Variants in CAPZB observed in about 807,000 individuals in gnomAD.
CAPZB encodes the protein F-actin-capping protein subunit beta.
In CAPZB, 2 loss-of-function variants were observed where a neutral mutation model predicts 38.1. That is an observed-to-expected ratio of 0.05 (90% CI 0.02 to 0.17). The LOEUF is 0.17. CAPZB is among the 10% of genes least tolerant of loss of function. CAPZB has a pLI of 1.00. For synonymous variants in CAPZB, 107 were observed against 127.4 expected (o/e 0.84, Z 1.08); for missense variants, 161 against 334.2 (o/e 0.48, Z 4.04).
At chr1:19,471,671 T>C (rs1050105760) in intron 1 of CAPZB, among the ~76,000 whole-genome samples, 6 of 152,088 alleles carry the variant, frequency 3.9e-5, no homozygotes, top group South Asian at 4.1e-4. Context: ...AAGACCATCC[T>C]GGCTAACACG....
intron 1 of CAPZB, among the ~76,000 whole-genome samples, chr1:19,469,456 C>G (rs537220947): frequency 9.7e-4 from 147 of 152,196 alleles, no homozygotes; most frequent in African/African-American, 3.3e-3. Flanking sequence ...GAGATTAATA[C>G]AGCAAAAACC....
rs1558182492 is a variant in CAPZB at position 19,357,628 on chromosome 1, G to T, written c.330-65C>A. Reference sequence around the variant, plus strand: ...GACAGATCATCAGCCTGGGTCCCAGGCTGCTGCTCAGCAAAGATTCTGGGA... The same window carrying T: ...GACAGATCATCAGCCTGGGTCCCAGTCTGCTGCTCAGCAAAGATTCTGGGA... On this transcript the variant is annotated intron_variant, in intron 4 of 8. Transcript: ENST00000264202. The surrounding 1 kb of genome is among the most constrained non-coding windows in gnomAD (Gnocchi z 4.3). The T allele has an allele frequency of 6.5e-7, 1 of 1,549,800 alleles. No homozygotes were observed. Among genetic ancestry groups the T allele is most frequent in the Non-Finnish European group, 8.9e-7 (1 of 1,128,620 alleles).
At chr1:19,384,637 G>C (rs989054498) in intron 3 of CAPZB, among the ~76,000 whole-genome samples, 3 of 152,174 alleles carry the variant, frequency 2.0e-5, no homozygotes, top group Non-Finnish European at 2.9e-5. Context: ...CATCTCCAAA[G>C]AGAGCATCAG....
chr1:19,391,463 C>T (rs1329073408), intron 2 of CAPZB, among the ~76,000 whole-genome samples: 5 of 145,010 alleles, frequency 3.4e-5, no homozygotes, highest in African/African-American at 1.2e-4. Context: ...TACTTGGGTG[C>T]ACTCAGAGGA....
At chr1:19,452,793 CTTT>C (rs34430556) in intron 1 of CAPZB, among the ~76,000 whole-genome samples, 10 of 118,414 alleles carry the variant, frequency 8.4e-5, no homozygotes, top group Admixed American at 1.9e-4. Flanking sequence ...TAATTTCTTT[CTTT>C]TTTTTTTTTT....
rs58005363 is a variant in CAPZB, at chr1:19,363,085, C to A, written c.330-5522G>T. ...AGACTTTCCTAACACAGATTAACAT[C>A]TTGTTTTGTTTTTTGAGACAGGGTC... On this transcript the variant is annotated intron_variant, in intron 4 of 8. Coordinates refer to ENST00000264202, the MANE Select transcript of CAPZB (RefSeq NM_004930.5). Among the ~76,000 whole-genome samples the A allele has an allele frequency of 1.2e-3, 182 of 151,686 alleles. 1 individual carries two copies. The highest frequency in any genetic ancestry group is 4.2e-3 in the African/African-American group (174 of 41,456).
At chr1:19,453,605 G>A (rs1021228291) in intron 1 of CAPZB, among the ~76,000 whole-genome samples, 4 of 152,072 alleles carry the variant, frequency 2.6e-5, no homozygotes, top group Non-Finnish European at 2.9e-5. Context: ...CCTTGTACCC[G>A]TGGCCCCTTC....
intron 1 of CAPZB, chr1:19,484,483 G>A (rs1327573080): frequency 1.4e-6 from 2 of 1,424,676 alleles, no homozygotes; most frequent in African/African-American, 2.9e-5. Flanking sequence ...CTCGAGAAGG[G>A]CCCGCAGAGC....
intron 1 of CAPZB, among the ~76,000 whole-genome samples, chr1:19,464,677 G>A (rs189078603): frequency 4.6e-5 from 7 of 152,226 alleles, no homozygotes; most frequent in African/African-American, 2.4e-5. Flanking sequence ...TGAATGGTAC[G>A]TCCATACCAT....
chr1:19,421,281 G>A (rs2094400090), intron 1 of CAPZB, among the ~76,000 whole-genome samples: 1 of 152,170 alleles, frequency 6.6e-6, no homozygotes, highest in African/African-American at 2.4e-5. Context: ...AGGCCGTGGG[G>A]CAAGGACCCA....
chr1:19,435,044 G>A (rs1408830931), intron 1 of CAPZB, among the ~76,000 whole-genome samples: 7 of 101,896 alleles, frequency 6.9e-5, no homozygotes, highest in African/African-American at 2.1e-4. Flanking sequence ...ACATATACAC[G>A]CACACTCTCA....
In CAPZB at chr1:19,339,470, G is replaced by T; in HGVS notation, c.*60C>A. On this transcript the variant is annotated 3_prime_UTR_variant, in exon 9 of 9. Transcript: ENST00000264202. ...GACGAGGGAAGGGAGCAGAAAACGAGTTTTCTAAGAAAGGAATCTAACGAG... is the reference window on the plus strand; with the variant it reads ...GACGAGGGAAGGGAGCAGAAAACGATTTTTCTAAGAAAGGAATCTAACGAG... 7.5e-7 allele frequency: 1 copy of T among 1,324,614 alleles called. No homozygotes were observed. Among genetic ancestry groups the T allele is most frequent in the Non-Finnish European group, 1.1e-6 (1 of 915,898 alleles). 82.1% of individuals were successfully genotyped at this position (1,324,614 alleles called of 1,614,324 possible). A position where few individuals can be genotyped will look rare whatever the true frequency, so the allele number is the denominator to read the frequency against.
intron 2 of CAPZB, among the ~76,000 whole-genome samples, chr1:19,398,379 G>A (rs1385212346): frequency 6.6e-6 from 1 of 152,206 alleles, no homozygotes; most frequent in Non-Finnish European, 1.5e-5. Context: ...CTGAGTCAGA[G>A]GGCGGAGGTC....
At chr1:19,413,279 A>T (rs183549319) in intron 2 of CAPZB, among the ~76,000 whole-genome samples, 83 of 152,306 alleles carry the variant, frequency 5.4e-4, no homozygotes, top group Non-Finnish European at 1.1e-3. Context: ...GTGCTCAATA[A>T]ATGTCGACTG....
chr1:19,368,745 G>A (rs1319677320), intron 4 of CAPZB, among the ~76,000 whole-genome samples: 1 of 150,678 alleles, frequency 6.6e-6, no homozygotes, highest in Non-Finnish European at 1.5e-5. Flanking sequence ...ATAGTTCACT[G>A]CAGCCTCCAC....
intron 8 of CAPZB, among the ~76,000 whole-genome samples, chr1:19,343,913 C>A (rs2093946589): frequency 6.6e-6 from 1 of 152,170 alleles, no homozygotes; most frequent in East Asian, 1.9e-4. Flanking sequence ...AGGCTGGGGG[C>A]CTGAGAAGGC....
Position 19,353,044 on chromosome 1 carries a change from C to T in CAPZB, c.588+3591G>A, listed in dbSNP as rs572671658. 3.0e-4 allele frequency among the ~76,000 whole-genome samples: 46 copies of T among 152,364 alleles called. No individual in the cohort carries two copies. The East Asian group carries it at 3.1e-3, about 10-fold the overall frequency. ...AGCTGGCGGCCTTCTCCAGATGGGC[C>T]GTGGGAAACAGGAAGACAAGGGTGC... On this transcript the variant is annotated intron_variant, in intron 6 of 8. Transcript: ENST00000264202.
At position 19,449,141 on chromosome 1, in the gene CAPZB, G is replaced by A; in HGVS notation, c.4-29391C>T. 2.9e-6 allele frequency: 4 copies of A among 1,391,728 alleles called. No homozygotes were observed. The African/African-American group carries it at 5.8e-5, about 20-fold the overall frequency. 86.2% of individuals were successfully genotyped at this position (1,391,728 alleles called of 1,614,324 possible). A position where few individuals can be genotyped will look rare whatever the true frequency, so the allele number is the denominator to read the frequency against. On this transcript the variant is annotated intron_variant, in intron 1 of 8. Transcript: ENST00000264202. ...TGCCACAAAAACTCCTGACCGTAGA[G>A]TCTCTGTAAGGCTGATAACGCACAA...
At chr1:19,438,770 G>A (rs1418660661) in intron 1 of CAPZB, among the ~76,000 whole-genome samples, 1 of 152,242 alleles carries the variant, frequency 6.6e-6, no homozygotes, top group African/African-American at 2.4e-5. Context: ...CTCTAACACA[G>A]GGAGGGGTGC....
Sources: gnomAD v4.1 joint callset for allele counts (sites outside exome capture counted in the v4.1 genomes callset) on GRCh38, gnomAD v4.1.1 for gene constraint, Gnocchi (gnomAD v3.1) non-coding constraint, MANE v1.5 for transcripts, NCBI Gene and HGNC (gene_info 2026-07-23, HGNC 2026-07-21) for gene names.